Variants in NLRP3 observed in about 807,000 individuals in gnomAD.
NLRP3 encodes NLR family pyrin domain containing 3.
NLRP3 carries 48 observed loss-of-function variants against 91.3 expected under a neutral mutation model. The ratio of observed to expected loss-of-function variants is 0.53; its 90% CI spans 0.42 to 0.67. The LOEUF is 0.67. Among genes scored for constraint, NLRP3 ranks in the 30% least tolerant of loss-of-function variants. NLRP3 has a pLI of 0.00. For missense variants in NLRP3, 982 were observed against 1,276.9 expected (o/e 0.77, Z 3.52); for synonymous variants, 561 against 507.9 (o/e 1.10, Z -1.41).
intron 5 of NLRP3, among the ~76,000 whole-genome samples, chr1:247,431,212 A>AATAATAAT (rs547689900): frequency 4.0e-5 from 6 of 150,436 alleles, no homozygotes; most frequent in African/African-American, 1.5e-4. Context: ...ATAATAATAA[A>AATAATAAT]AAATGTGCTT....
intron 7 of NLRP3, among the ~76,000 whole-genome samples, chr1:247,443,159 G>A (rs1045505532): frequency 1.2e-4 from 18 of 152,006 alleles, no homozygotes; most frequent in African/African-American, 3.4e-4. Flanking sequence ...TCCTGACCTC[G>A]TGATCCACCC....
intron 7 of NLRP3, among the ~76,000 whole-genome samples, chr1:247,439,017 A>AATCC (rs71568614): frequency 8.2e-3 from 111 of 13,566 alleles, no homozygotes; most frequent in African/African-American, 0.023. Context: ...TCCATCCGTC[A>AATCC]ATCCATCCAT....
At chr1:247,437,155 G>T (rs1235269747) in intron 7 of NLRP3, among the ~76,000 whole-genome samples, 3 of 152,172 alleles carry the variant, frequency 2.0e-5, no homozygotes, top group African/African-American at 7.2e-5. Context: ...CTCAGCTTAA[G>T]GGTGGGACCT....
intron 5 of NLRP3, among the ~76,000 whole-genome samples, chr1:247,430,941 A>G (rs1663271502): frequency 6.6e-6 from 1 of 150,702 alleles, no homozygotes. Context: ...TAATTTTTGT[A>G]TTTTTTTTGT....
In NLRP3 at chr1:247,416,625, TGG is replaced by T. The variant is rs1163073037; in HGVS notation, c.-749+434_-749+435del. On this transcript the variant is annotated intron_variant, in intron 1 of 9. Transcript: ENST00000336119. Reference sequence around the variant, plus strand: ...ATGGAAGGACTGATGGGGCAGGAGCTGGGAGGGTATGCGGAGCTAATAGGGCT... The same window carrying T: ...ATGGAAGGACTGATGGGGCAGGAGCTGAGGGTATGCGGAGCTAATAGGGCT... Among the ~76,000 whole-genome samples the T allele has an allele frequency of 4.7e-5, 6 of 126,332 alleles. No individual in the cohort carries two copies. In the East Asian group the frequency reaches 1.6e-3, roughly 33 times the overall value. 82.9% of individuals were successfully genotyped at this position (126,332 alleles called of 152,430 possible). A position where few individuals can be genotyped will look rare whatever the true frequency, so the allele number is the denominator to read the frequency against.
rs200903642 is a variant in NLRP3, at chr1:247,423,959, T to A, written c.510T>A (p.Arg170=). 6 of 1,613,904 alleles carry A rather than the reference T, an allele frequency of 3.7e-6. No individual in the cohort carries two copies. The highest frequency in any genetic ancestry group is 5.1e-6 in the Non-Finnish European group (6 of 1,179,978). Residue 170 remains arginine, a synonymous_variant, in exon 4 of 10, where the codon CGT becomes CGA. Coordinates refer to ENST00000336119, the MANE Select transcript of NLRP3 (RefSeq NM_001243133.2). ...VSLNKRYTRL[R]LIKEHRSQQE... ...TCAACAAACGCTACACACGACTGCG[T>A]CTCATCAAGGAGCACCGGAGCCAGC...
At chr1:247,437,008 A>G (rs1188729752) in intron 7 of NLRP3, among the ~76,000 whole-genome samples, 1 of 152,228 alleles carries the variant, frequency 6.6e-6, no homozygotes, top group Non-Finnish European at 1.5e-5. Context: ...AACTTTGTCC[A>G]AGGACACTCA....
At chr1:247,420,876 C>A (rs1662408756) in intron 2 of NLRP3, among the ~76,000 whole-genome samples, 1 of 152,184 alleles carries the variant, frequency 6.6e-6, no homozygotes, top group Non-Finnish European at 1.5e-5. Context: ...CATGATTAGT[C>A]CCTCTTTATC....
intron 4 of NLRP3, among the ~76,000 whole-genome samples, chr1:247,428,667 C>G (rs1193180252): frequency 6.6e-6 from 1 of 151,748 alleles, no homozygotes; most frequent in Admixed American, 6.6e-5. Flanking sequence ...TAAAAAAGAT[C>G]CATATAGCTG....
At chr1:247,426,032 G>T (rs1214973806) in intron 4 of NLRP3, among the ~76,000 whole-genome samples, 3 of 152,144 alleles carry the variant, frequency 2.0e-5, no homozygotes, top group Admixed American at 2.0e-4. Context: ...ATGTTTCTTA[G>T]AAATGTGCAA....
intron 7 of NLRP3, among the ~76,000 whole-genome samples, chr1:247,442,763 T>A (rs186857829): frequency 2.4e-4 from 36 of 152,286 alleles, no homozygotes; most frequent in Middle Eastern, 3.4e-3. Flanking sequence ...CAGGTTGATA[T>A]AATAATCAAA....
chr1:247,433,733 C>T (rs148040387), intron 5 of NLRP3, among the ~76,000 whole-genome samples: 11,959 of 75,348 alleles, frequency 0.16, 1,052 homozygotes, highest in Middle Eastern at 0.26. Context: ...TCAGGTGTGT[C>T]CTGATGCTTT....
At chr1:247,445,838 T>C (rs1664553125) in intron 9 of NLRP3, among the ~76,000 whole-genome samples, 1 of 151,866 alleles carries the variant, frequency 6.6e-6, no homozygotes, top group African/African-American at 2.4e-5. Context: ...GCTTAGTCGC[T>C]GGGCTAATTT....
chr1:247,433,427 C>A (rs1663492953), intron 5 of NLRP3, among the ~76,000 whole-genome samples: 1 of 152,168 alleles, frequency 6.6e-6, no homozygotes, highest in Non-Finnish European at 1.5e-5. Flanking sequence ...ACACCGCCCG[C>A]TTCACTTACA....
intron 4 of NLRP3, 42 bp from the exon 5 acceptor site, chr1:247,429,543 G>A (rs1057320437): frequency 6.2e-6 from 10 of 1,608,598 alleles, no homozygotes; most frequent in African/African-American, 4.0e-5. Flanking sequence ...GTTATTATTC[G>A]AGGCTGATTT....
At chr1:247,432,713 C>T (rs2103150664) in intron 5 of NLRP3, among the ~76,000 whole-genome samples, 1 of 152,184 alleles carries the variant, frequency 6.6e-6, no homozygotes, top group South Asian at 2.1e-4. Flanking sequence ...AGGATAGGGA[C>T]AGAAAGGAAG....
intron 9 of NLRP3, among the ~76,000 whole-genome samples, chr1:247,445,227 G>T (rs989277759): frequency 6.6e-6 from 1 of 152,104 alleles, no homozygotes; most frequent in African/African-American, 2.4e-5. Flanking sequence ...TTGAGACAGA[G>T]TCTTGCTCTG....
In NLRP3 at chr1:247,418,779, C is replaced by T. The variant is rs1003592180; in HGVS notation, c.-22C>T. 2.5e-6 allele frequency: 4 copies of T among 1,613,096 alleles called. No homozygotes were observed. The highest frequency in any genetic ancestry group is 2.5e-6 in the Non-Finnish European group (3 of 1,180,010). On this transcript the variant is annotated 5_prime_UTR_variant, in exon 2 of 10. Coordinates refer to ENST00000336119, the MANE Select transcript of NLRP3 (RefSeq NM_001243133.2). The stretch of plus-strand genomic sequence containing the variant: ...TAGTGTGGACCGAAGCCTAAGGACC[C>T]TGAAAACAGCTGCAGATGAAGATGG...
chr1:247,434,879 A>G (rs1042758097), intron 6 of NLRP3, among the ~76,000 whole-genome samples: 2 of 152,242 alleles, frequency 1.3e-5, no homozygotes, highest in Non-Finnish European at 1.5e-5. Flanking sequence ...AAAACAGCAC[A>G]GCAATTCCTA....
Sources: allele counts gnomAD v4.1 joint callset (sites outside exome capture counted in the v4.1 genomes callset), GRCh38; gene constraint gnomAD v4.1.1; transcripts MANE v1.5; gene names NCBI Gene and HGNC (gene_info 2026-07-23, HGNC 2026-07-21).